The following ZSCAN18 variants were observed in gnomAD, a reference collection of about 807,000 sequenced individuals.
ZSCAN18 encodes zinc finger and SCAN domain containing 18.
ZSCAN18 carries 16 observed loss-of-function variants against 31.1 expected under a neutral mutation model. The observed-to-expected ratio is 0.51, with a 90% CI of 0.35 to 0.78. The LOEUF (loss-of-function observed/expected upper bound fraction) is 0.78, where lower values mean the gene tolerates loss of function less well. Ranked by LOEUF, ZSCAN18 falls within the 30% of genes least tolerant of loss-of-function variation. The probability of loss-of-function intolerance (pLI) is 0.01; values close to 1 mark genes in which losing one functional copy is unlikely to be tolerated. For missense variants in ZSCAN18, 731 were observed against 697.4 expected (o/e 1.05, Z -0.54); for synonymous variants, 375 against 320.7 (o/e 1.17, Z -1.81).
chr19:58,087,262 G>A, intron 4 of ZSCAN18, 54 bp downstream of exon 4: 1 of 1,509,102 alleles, frequency 6.6e-7, no homozygotes, highest in South Asian at 1.2e-5. Context: ...TGGGGAGGGG[G>A]ATGCCTCTAA....
At chr19:58,093,370 A>AT (rs2074453998) in intron 1 of ZSCAN18, 1 of 152,226 alleles carries the variant, frequency 6.6e-6, no homozygotes, top group Non-Finnish European at 1.5e-5. Context: ...GTGGACCCTC[A>AT]TGTCCATCTC....
At chr19:58,117,155 G>T (rs1417085211) in intron 1 of ZSCAN18, among the ~76,000 whole-genome samples, 3 of 152,198 alleles carry the variant, frequency 2.0e-5, no homozygotes, top group Admixed American at 2.0e-4. Flanking sequence ...TGGGATTTTG[G>T]ACAGAGACGA....
In ZSCAN18 at chr19:58,084,872, G is replaced by C. The variant is rs1166742722; in HGVS notation, c.1346C>G (p.Thr449Ser). 2.5e-6 allele frequency: 4 copies of C among 1,600,126 alleles called. 1 individual carries two copies. The South Asian group carries it at 3.4e-5, about 13-fold the overall frequency. The change falls in exon 7 of 7, where the codon ACC (threonine) becomes AGC (serine). Residue 449 changes from threonine (T) to serine (S), a missense_variant. By Grantham distance (58) the Thr-to-Ser change is moderately conservative (BLOSUM62 1). This residue lies in a region of ZSCAN18 where 597 missense variants were observed against 499.5 expected (regional missense o/e 1.20). Coordinates refer to ENST00000601144, the MANE Select transcript of ZSCAN18 (RefSeq NM_001145543.2). This position sits in a 1 kb window ranked among gnomAD's most constrained non-coding sequence, Gnocchi z 4.5. Reference sequence around the variant, plus strand: ...GGCTAGGGCCAGGCTGAAGTGGAAGGTCTTCCAGCAGCCCTGACAGGCGTA... The same window carrying C: ...GGCTAGGGCCAGGCTGAAGTGGAAGCTCTTCCAGCAGCCCTGACAGGCGTA... Reference protein sequence around the residue: ...KRYACQGCWKTFHFSLALAEH... With the variant: ...KRYACQGCWKSFHFSLALAEH...
chr19:58,090,047 C>T lies in ZSCAN18; in HGVS notation c.221G>A (p.Cys74Tyr). Residue 74 changes from cysteine (C) to tyrosine (Y), a missense_variant, in exon 2 of 7, where the codon TGC (cysteine) becomes TAC (tyrosine). By Grantham distance (194) the Cys-to-Tyr change is radical. Coordinates refer to ENST00000601144, the MANE Select transcript of ZSCAN18 (RefSeq NM_001145543.2). This position sits in a 1 kb window ranked among gnomAD's most constrained non-coding sequence, Gnocchi z 4.7. ...CGCCTCAGGCATCAGCCACTGGCGG[C>T]ACAGCTCATGCAGCCGGGCCAGGGT... The part of the protein sequence containing the change: ...HQTLARLHEL[C>Y]RQWLMPEARS... 1 of 1,613,960 alleles carries T rather than the reference C, an allele frequency of 6.2e-7. No individual in the cohort carries two copies. Among genetic ancestry groups the T allele is most frequent in the Non-Finnish European group, 8.5e-7 (1 of 1,180,036 alleles).
chr19:58,083,868 T>A lies in ZSCAN18; in HGVS notation c.*817A>T, dbSNP rs952145093. Reference sequence around the variant, plus strand: ...GTAGCCCAAGGAGTTTAGTCTCCTTTGCTCAGACAGACAGATCTTTATTAG... The same window carrying A: ...GTAGCCCAAGGAGTTTAGTCTCCTTAGCTCAGACAGACAGATCTTTATTAG... On this transcript the variant is annotated 3_prime_UTR_variant, in exon 7 of 7. Coordinates refer to ENST00000601144, the MANE Select transcript of ZSCAN18 (RefSeq NM_001145543.2). 7.9e-5 allele frequency: 12 copies of A among 152,262 alleles called. No homozygotes were observed. The highest frequency in any genetic ancestry group is 2.9e-4 in the African/African-American group (12 of 41,480). The allele number at this position is 152,262 out of a possible 1,614,324, so 9.4% of individuals were successfully genotyped here. A position where few individuals can be genotyped will look rare whatever the true frequency, so the allele number is the denominator to read the frequency against.
In ZSCAN18 at chr19:58,084,763, C is replaced by A; in HGVS notation, c.1455G>T (p.Gln485His). Reference protein sequence around the residue: ...RGPQPSTREAQAGARAGGPPE... With the variant: ...RGPQPSTREAHAGARAGGPPE... ...GGGGACCGCCCGCCCTAGCCCCCGC[C>A]TGGGCTTCGCGGGTGGACGGTTGGG... is the stretch of plus-strand genomic sequence containing the variant. Residue 485 changes from glutamine to histidine, a missense_variant, in exon 7 of 7, where the codon CAG (glutamine) becomes CAT (histidine). Gln to His is a conservative substitution (Grantham distance 24, BLOSUM62 0). This residue lies in a region of ZSCAN18 where 597 missense variants were observed against 499.5 expected (regional missense o/e 1.20). Coordinates refer to ENST00000601144, the MANE Select transcript of ZSCAN18 (RefSeq NM_001145543.2). This position sits in a 1 kb window ranked among gnomAD's most constrained non-coding sequence, Gnocchi z 4.5. 1 of 1,570,084 alleles carries A rather than the reference C, an allele frequency of 6.4e-7. No individual in the cohort carries two copies.
chr19:58,105,694 T>C (rs945332950), intron 1 of ZSCAN18, among the ~76,000 whole-genome samples: 7 of 150,566 alleles, frequency 4.6e-5, no homozygotes, highest in Non-Finnish European at 1.0e-4. Context: ...AGAATGCAGT[T>C]TGCAGCTATG....
At chr19:58,112,416 C>T (rs966667879) in intron 1 of ZSCAN18, among the ~76,000 whole-genome samples, 2 of 151,926 alleles carry the variant, frequency 1.3e-5, no homozygotes, top group Non-Finnish European at 2.9e-5. Flanking sequence ...TTTGGGAGGC[C>T]GAGGTGGGCG....
upstream of ZSCAN18, among the ~76,000 whole-genome samples, chr19:58,099,539 G>A (rs1471628099): frequency 6.6e-6 from 1 of 152,128 alleles, no homozygotes; most frequent in Non-Finnish European, 1.5e-5. Flanking sequence ...TAAAAATAAA[G>A]CTGCTATGAA....
chr19:58,102,943 C>A (rs1054353947), upstream of ZSCAN18, among the ~76,000 whole-genome samples: 9 of 151,858 alleles, frequency 5.9e-5, no homozygotes, highest in Non-Finnish European at 1.0e-4. Context: ...ACCAGCCTGG[C>A]AAAACCTCGT....
chr19:58,117,400 G>C (rs1028447343), intron 1 of ZSCAN18, among the ~76,000 whole-genome samples: 7 of 152,130 alleles, frequency 4.6e-5, no homozygotes, highest in Admixed American at 4.6e-4. Flanking sequence ...AGTCAGTGGA[G>C]TCAGAACCCA....
At chr19:58,091,292 A>G (rs1488020874) in intron 1 of ZSCAN18, among the ~76,000 whole-genome samples, 1 of 151,084 alleles carries the variant, frequency 6.6e-6, no homozygotes, top group Non-Finnish European at 1.5e-5. Flanking sequence ...AAGATAGATT[A>G]TAGGGATGTC....
In ZSCAN18 at chr19:58,090,454, G is replaced by A; in HGVS notation, c.-119-68C>T. ...GGGCGCAGCCACCCCAGCTGCCAGA[G>A]AACAAAGACACCACACCCAGAGTTC... On this transcript the variant is annotated intron_variant, in intron 1 of 6. Transcript: ENST00000601144. This position sits in a 1 kb window ranked among gnomAD's most constrained non-coding sequence, Gnocchi z 4.7. 1.4e-6 allele frequency: 2 copies of A among 1,383,688 alleles called. No individual in the cohort carries two copies. The highest frequency in any genetic ancestry group is 2.5e-5 in the East Asian group (1 of 39,556). 85.7% of individuals were successfully genotyped at this position (1,383,688 alleles called of 1,614,324 possible).
At chr19:58,096,826 G>A (rs1309249186) in intron 1 of ZSCAN18, among the ~76,000 whole-genome samples, 2 of 152,166 alleles carry the variant, frequency 1.3e-5, no homozygotes, top group Non-Finnish European at 2.9e-5. Context: ...AGGGGTAAAA[G>A]TGCTTTTAAA....
At chr19:58,101,299 ATTTT>A (rs71188078), upstream of ZSCAN18, among the ~76,000 whole-genome samples, 235 of 108,390 alleles carry the variant, frequency 2.2e-3, no homozygotes, top group South Asian at 7.1e-3. Flanking sequence ...TGCCCAGCTA[ATTTT>A]TTTTTTTTTT....
At chr19:58,114,468 A>AAT (rs901102620) in intron 1 of ZSCAN18, among the ~76,000 whole-genome samples, 13 of 152,164 alleles carry the variant, frequency 8.5e-5, no homozygotes, top group African/African-American at 3.1e-4. Context: ...ACTTGTAATA[A>AAT]ATATATATAC....
At chr19:58,117,357 C>T (rs2074738587) in intron 1 of ZSCAN18, among the ~76,000 whole-genome samples, 1 of 151,912 alleles carries the variant, frequency 6.6e-6, no homozygotes, top group East Asian at 1.9e-4. Context: ...GAGGGCAGCC[C>T]AGTATACAAC....
In ZSCAN18 at chr19:58,118,151, C is replaced by T. The variant is rs115909587; in HGVS notation, c.130+116G>A. 685 of 461,666 alleles carry T rather than the reference C, an allele frequency of 1.5e-3. 4 individuals carry two copies. The highest frequency in any genetic ancestry group is 0.013 in the African/African-American group (633 of 49,216). The allele number at this position is 461,666 out of a possible 1,614,324, so 28.6% of individuals were successfully genotyped here. ...CGCCCGCCCCGCCGGGAACCACAAG[C>T]CAGCGCCCCTAACAAGCCCCTGCCC... On this transcript the variant is annotated intron_variant, in intron 1 of 1. Transcript: ENST00000595721.
rs1250273124 is a variant in ZSCAN18, at chr19:58,084,844, C to T, written c.1374G>A (p.Glu458=). Residue 458 remains glutamate, a synonymous_variant, in exon 7 of 7, where the codon GAG becomes GAA. Coordinates refer to ENST00000601144, the MANE Select transcript of ZSCAN18 (RefSeq NM_001145543.2). This position sits in a 1 kb window ranked among gnomAD's most constrained non-coding sequence, Gnocchi z 4.5. ...TCTCCTTCTCGTGGGTCTTCTGGTG[C>T]TCGGCTAGGGCCAGGCTGAAGTGGA... The part of the protein sequence containing the change: ...KTFHFSLALA[E]HQKTHEKEKS... 6.3e-7 allele frequency: 1 copy of T among 1,599,454 alleles called. No homozygotes were observed. Among genetic ancestry groups the T allele is most frequent in the Admixed American group, 1.7e-5 (1 of 58,220 alleles).
Sources: allele counts gnomAD v4.1 joint callset (sites outside exome capture counted in the v4.1 genomes callset), GRCh38; gene constraint gnomAD v4.1.1; regional missense constraint gnomAD v4.1.1; non-coding constraint Gnocchi (gnomAD v3.1); transcripts MANE v1.5; gene names NCBI Gene and HGNC (gene_info 2026-07-23, HGNC 2026-07-21).